The following CERS5 variants were observed in gnomAD, a reference collection of about 807,000 sequenced individuals.
The protein encoded by CERS5 is ceramide synthase 5, also known as LAG1 homolog, ceramide synthase 5.
Under a neutral mutation model 58.9 loss-of-function variants are expected in CERS5, and 37 were observed. The observed-to-expected ratio is 0.63, with a 90% confidence interval of 0.48 to 0.83. The LOEUF (loss-of-function observed/expected upper bound fraction) is 0.83, where lower values mean the gene tolerates loss of function less well. CERS5 is among the 40% of genes least tolerant of loss of function. CERS5 has a pLI of 0.00. For missense variants in CERS5, 398 were observed against 489.3 expected, an observed-to-expected ratio of 0.81 and a Z score of 1.76; for synonymous variants, 147 against 177.8, an observed-to-expected ratio of 0.83 and a Z score of 1.38.
chr12:50,155,046 C>T (rs901758756), intron 1 of CERS5, among the ~76,000 whole-genome samples: 6 of 152,068 alleles, frequency 3.9e-5, no homozygotes, highest in South Asian at 2.1e-4. Flanking sequence ...TTAGTAGAGA[C>T]GGGGTTTCAC....
At chr12:50,131,559 AAAAAAAAAAAAAAAAAAAG>A (rs1352285298) in intron 9 of CERS5, among the ~76,000 whole-genome samples, 2 of 56,382 alleles carry the variant, frequency 3.5e-5, no homozygotes, top group African/African-American at 1.9e-4. Flanking sequence ...ACTCCATCTC[AAAAAAAAAAAAAAAAAAAG>A]AAAAAAAAAA....
At chr12:50,149,794 T>A (rs1187921553) in intron 1 of CERS5, among the ~76,000 whole-genome samples, 1 of 152,112 alleles carries the variant, frequency 6.6e-6, no homozygotes, top group Non-Finnish European at 1.5e-5. Flanking sequence ...AAGTGAAGTG[T>A]GGTGGCGTGA....
At chr12:50,130,778 GTT>G in intron 9 of CERS5, 84 bp from the exon 10 acceptor site, 1 of 1,303,382 alleles carries the variant, frequency 7.7e-7, no homozygotes, top group Non-Finnish European at 1.1e-6. Flanking sequence ...TGGGCACTGT[GTT>G]CCCAGTCTGG....
At chr12:50,149,492 G>C (rs896503301) in intron 1 of CERS5, among the ~76,000 whole-genome samples, 1 of 152,264 alleles carries the variant, frequency 6.6e-6, no homozygotes, top group Admixed American at 6.5e-5. Flanking sequence ...ATCAAAGACA[G>C]GATGTATATT....
intron 1 of CERS5, among the ~76,000 whole-genome samples, chr12:50,155,723 C>G (rs1159455936): frequency 9.6e-6 from 1 of 103,814 alleles, no homozygotes; most frequent in Non-Finnish European, 1.7e-5. Flanking sequence ...GGCGACAGAG[C>G]GAGACTCCAT....
At chr12:50,155,804 A>C (rs1195684719) in intron 1 of CERS5, among the ~76,000 whole-genome samples, 1 of 150,020 alleles carries the variant, frequency 6.7e-6, no homozygotes, top group African/African-American at 2.4e-5. Context: ...TCTCTACAAA[A>C]AATATAACAA....
At chr12:50,132,940 C>G in intron 9 of CERS5, 1 of 1,288,816 alleles carries the variant, frequency 7.8e-7, no homozygotes, top group Non-Finnish European at 1.0e-6. Context: ...TCACTGAATA[C>G]TAGAAGCACA....
chr12:50,163,356 G>A lies in CERS5; in HGVS notation c.197+3745C>T, dbSNP rs767023141. Among the ~76,000 whole-genome samples the A allele has an allele frequency of 1.1e-4, 16 of 151,778 alleles. No homozygotes were observed. The South Asian group carries it at 1.2e-3, about 12-fold the overall frequency. On this transcript the variant is annotated intron_variant, in intron 1 of 9. Coordinates refer to ENST00000317551, the MANE Select transcript of CERS5 (RefSeq NM_147190.5). ...TGGGATTACAGGCGCCCGCCACTAC[G>A]CGGGGCTATTTTTGTATTTTTAGTA...
intron 1 of CERS5, among the ~76,000 whole-genome samples, chr12:50,151,254 T>C (rs1001221045): frequency 2.0e-5 from 3 of 152,170 alleles, no homozygotes; most frequent in African/African-American, 7.2e-5. Flanking sequence ...ATGATCTCCA[T>C]ATTGTGAAAA....
chr12:50,136,177 G>A, intron 6 of CERS5, 108 bp from the exon 7 acceptor site: 1 of 1,070,950 alleles, frequency 9.3e-7, no homozygotes, highest in Non-Finnish European at 1.3e-6. Context: ...ACCCCATATA[G>A]AATAGTTTCC....
At chr12:50,145,714 C>T (rs1253301790) in intron 1 of CERS5, among the ~76,000 whole-genome samples, 2 of 152,070 alleles carry the variant, frequency 1.3e-5, no homozygotes, top group Non-Finnish European at 2.9e-5. Context: ...CAGTGGATAC[C>T]TTAATTTACA....
chr12:50,152,384 G>A (rs937585566), intron 1 of CERS5, among the ~76,000 whole-genome samples: 1 of 152,180 alleles, frequency 6.6e-6, no homozygotes, highest in Non-Finnish European at 1.5e-5. Context: ...GCTTAAGAAT[G>A]TCCTTGATGA....
chr12:50,163,799 T>C (rs2138296764), intron 1 of CERS5, among the ~76,000 whole-genome samples: 1 of 152,016 alleles, frequency 6.6e-6, no homozygotes, highest in East Asian at 1.9e-4. Flanking sequence ...ACTATAGGCA[T>C]GCACCATCAC....
rs200225193 is a variant in CERS5 at position 50,143,065 on chromosome 12, C to T, written c.434+9G>A. The stretch of plus-strand genomic sequence containing the variant: ...TCCTTATTCCCTCCCTCCCTCCTTG[C>T]GTACTTACATGCTTTCACAGAATTT... On this transcript the variant is annotated intron_variant, in intron 3 of 9. Transcript: ENST00000317551. 891 of 1,596,176 alleles carry T rather than the reference C, an allele frequency of 5.6e-4. 7 individuals carry two copies. The highest frequency in any genetic ancestry group is 1.7e-4 in the Middle Eastern group (1 of 5,940).
chr12:50,133,284 T>C, intron 9 of CERS5: 1 of 1,087,580 alleles, frequency 9.2e-7, no homozygotes, highest in Non-Finnish European at 1.1e-6. Context: ...TAGGCTGAAA[T>C]CCCTAGCCCT....
Position 50,134,386 on chromosome 12 carries a change from G to A in CERS5, c.1029+160C>T, listed in dbSNP as rs1419317014. 1.9e-6 allele frequency: 3 copies of A among 1,572,072 alleles called. No homozygotes were observed. The Admixed American group carries it at 5.4e-5, about 29-fold the overall frequency. ...AAGACCTTGTCTCTAAAATAAAAAA[G>A]GCAAAACACTTACCGAAGAGGCGAA... On this transcript the variant is annotated intron_variant, in intron 9 of 9. Transcript: ENST00000317551.
chr12:50,167,026 G>T, intron 1 of CERS5, 75 bp downstream of exon 1: 1 of 1,190,200 alleles, frequency 8.4e-7, no homozygotes, highest in Non-Finnish European at 1.1e-6. Flanking sequence ...TCTGCTTCCG[G>T]CCCTCGGCCC....
chr12:50,148,712 C>A (rs1318509843), intron 1 of CERS5: 1 of 178,134 alleles, frequency 5.6e-6, no homozygotes, highest in South Asian at 7.7e-5. Context: ...GCCTGGCCAA[C>A]ATGGCGAAAT....
intron 1 of CERS5, among the ~76,000 whole-genome samples, chr12:50,155,254 AT>A (rs1938438447): frequency 6.6e-6 from 1 of 152,128 alleles, no homozygotes; most frequent in Non-Finnish European, 1.5e-5. Context: ...GTCCTCAGTA[AT>A]TTTTAAAAGT....
Sources: gnomAD v4.1 joint callset for allele counts (sites outside exome capture counted in the v4.1 genomes callset) on GRCh38, gnomAD v4.1.1 for gene constraint, MANE v1.5 for transcripts, NCBI Gene and HGNC (gene_info 2026-07-23, HGNC 2026-07-21) for gene names.